Variants in HPSE2 observed in about 807,000 individuals in gnomAD.
The protein encoded by HPSE2 is heparanase 2 (inactive).
A neutral mutation model predicts 60.5 loss-of-function variants in HPSE2; 38 were observed. That is an observed-to-expected ratio of 0.63 (90% CI 0.48 to 0.82). The LOEUF (loss-of-function observed/expected upper bound fraction) is 0.82, where lower values mean the gene tolerates loss of function less well. HPSE2 is among the 40% of genes least tolerant of loss of function. The probability of loss-of-function intolerance (pLI) is 0.00; values close to 1 mark genes in which losing one functional copy is unlikely to be tolerated. For synonymous variants in HPSE2, 295 were observed against 293.2 expected (o/e 1.01, Z -0.06); for missense variants, 713 against 740.4 (o/e 0.96, Z 0.43).
At chr10:99,220,193 T>C (rs747205362) in intron 2 of HPSE2, among the ~76,000 whole-genome samples, 4 of 152,098 alleles carry the variant, frequency 2.6e-5, no homozygotes, top group Non-Finnish European at 4.4e-5. Flanking sequence ...TGGATAATGG[T>C]GTTTAAAGAG....
Position 99,110,035 on chromosome 10 carries a change from A to G in HPSE2, c.610+34203T>C, listed in dbSNP as rs193245910. Among the ~76,000 whole-genome samples, 507 of 152,332 alleles carry G rather than the reference A, an allele frequency of 3.3e-3. 2 individuals are homozygous for G. Among genetic ancestry groups the G allele is most frequent in the African/African-American group, 0.012 (485 of 41,570 alleles). On this transcript the variant is annotated intron_variant, in intron 3 of 11. Coordinates refer to ENST00000370552, the MANE Select transcript of HPSE2 (RefSeq NM_021828.5). Reference sequence around the variant, plus strand: ...AAATTATACGATAGCAAAAATTTGTATCACAAGCAAACATCTCTTAAACAT... The same window carrying G: ...AAATTATACGATAGCAAAAATTTGTGTCACAAGCAAACATCTCTTAAACAT...
chr10:99,184,809 TATATATATATAGAGAGAGAGAGAGAGAG>T (rs1311625312), intron 2 of HPSE2, among the ~76,000 whole-genome samples: 3 of 38,044 alleles, frequency 7.9e-5, no homozygotes, highest in East Asian at 7.1e-4. Flanking sequence ...TATATATATA[TATATATATATAGAGAGAGAGAGAGAGAG>T]AGAGAGAGAG....
chr10:98,618,126 GT>G (rs1444970683), intron 8 of HPSE2, among the ~76,000 whole-genome samples: 3 of 152,292 alleles, frequency 2.0e-5, no homozygotes, highest in Non-Finnish European at 4.4e-5. Context: ...TGTCAGTGGA[GT>G]TGAGACCAAA....
At chr10:98,903,887 C>G (rs930437247) in intron 3 of HPSE2, among the ~76,000 whole-genome samples, 2 of 152,038 alleles carry the variant, frequency 1.3e-5, no homozygotes, top group Non-Finnish European at 1.5e-5. Flanking sequence ...GTGCTAAGAA[C>G]AGATTCTGCC....
chr10:98,744,316 T>C (rs970818542), intron 3 of HPSE2, among the ~76,000 whole-genome samples: 1 of 151,734 alleles, frequency 6.6e-6, no homozygotes, highest in African/African-American at 2.4e-5. Flanking sequence ...TCACCTAAGG[T>C]CGGGAGTTCG....
At chr10:98,529,869 T>C (rs1396095109) in intron 9 of HPSE2, among the ~76,000 whole-genome samples, 1 of 152,246 alleles carries the variant, frequency 6.6e-6, no homozygotes, top group Non-Finnish European at 1.5e-5. Flanking sequence ...CTTGTTTCTC[T>C]CCTTCATCCT....
intron 9 of HPSE2, among the ~76,000 whole-genome samples, chr10:98,565,747 T>G (rs1270497311): frequency 1.3e-5 from 2 of 152,142 alleles, no homozygotes; most frequent in Non-Finnish European, 2.9e-5. Context: ...TTGGAAGAAT[T>G]TATTCCTTGT....
intron 3 of HPSE2, among the ~76,000 whole-genome samples, chr10:99,125,552 A>G (rs1845129413): frequency 6.6e-6 from 1 of 152,216 alleles, no homozygotes; most frequent in Admixed American, 6.5e-5. Flanking sequence ...CACCATGGGA[A>G]CGTACTAGGA....
chr10:99,103,407 C>A (rs1394318096), intron 3 of HPSE2, among the ~76,000 whole-genome samples: 1 of 152,040 alleles, frequency 6.6e-6, no homozygotes, highest in Non-Finnish European at 1.5e-5. Context: ...AATAAAATAC[C>A]TAGGAATCCA....
At chr10:98,999,768 G>A (rs1274983012) in intron 3 of HPSE2, among the ~76,000 whole-genome samples, 1 of 152,010 alleles carries the variant, frequency 6.6e-6, no homozygotes, top group East Asian at 1.9e-4. Flanking sequence ...GAAAAGAAGA[G>A]GGAACTAACA....
chr10:98,912,829 C>CA (rs925019452), intron 3 of HPSE2, among the ~76,000 whole-genome samples: 27 of 143,414 alleles, frequency 1.9e-4, no homozygotes, highest in East Asian at 1.2e-3. Context: ...TTAATGGGTA[C>CA]AAAAAAAAAA....
chr10:99,221,969 A>G (rs1003992281), intron 2 of HPSE2, among the ~76,000 whole-genome samples: 5 of 152,190 alleles, frequency 3.3e-5, no homozygotes, highest in African/African-American at 1.2e-4. Context: ...AGAGAGGCTG[A>G]AAACAGGAAA....
chr10:98,848,996 C>T (rs904304347), intron 3 of HPSE2, among the ~76,000 whole-genome samples: 7 of 150,482 alleles, frequency 4.7e-5, no homozygotes, highest in Admixed American at 4.0e-4. Flanking sequence ...ATTCCAACGC[C>T]CACAGTCGAG....
chr10:98,747,876 T>C (rs2134342355), intron 3 of HPSE2, among the ~76,000 whole-genome samples: 2 of 152,308 alleles, frequency 1.3e-5, no homozygotes, highest in Non-Finnish European at 2.9e-5. Context: ...ATATCCTTCA[T>C]AGCATCTAAC....
chr10:98,559,283 C>T (rs1944102991), intron 9 of HPSE2, among the ~76,000 whole-genome samples: 1 of 152,198 alleles, frequency 6.6e-6, no homozygotes, highest in Non-Finnish European at 1.5e-5. Context: ...CTATCTTGGC[C>T]TCCCAAAGTG....
intron 9 of HPSE2, among the ~76,000 whole-genome samples, chr10:98,600,913 A>ATATATGTGTGTGTG (rs1381527658): frequency 3.6e-3 from 106 of 29,600 alleles, no homozygotes; most frequent in Middle Eastern, 0.036. Context: ...GTGTGTGTGT[A>ATATATGTGTGTGTG]TATATATATA....
intron 3 of HPSE2, among the ~76,000 whole-genome samples, chr10:98,990,525 T>C (rs1956497717): frequency 6.6e-6 from 1 of 152,198 alleles, no homozygotes. Context: ...GCTCCTGCTA[T>C]GCAGCCTGAT....
intron 7 of HPSE2, among the ~76,000 whole-genome samples, chr10:98,624,018 C>A (rs191414211): frequency 2.6e-5 from 4 of 152,102 alleles, no homozygotes; most frequent in African/African-American, 9.7e-5. Flanking sequence ...AACATTAATG[C>A]ATTATCAAGG....
intron 3 of HPSE2, among the ~76,000 whole-genome samples, chr10:98,942,543 A>G (rs1234090503): frequency 6.6e-6 from 1 of 151,988 alleles, no homozygotes; most frequent in Non-Finnish European, 1.5e-5. Flanking sequence ...ACCATCTCAC[A>G]CCAGTTAGAA....
Sources: allele counts gnomAD v4.1 joint callset (sites outside exome capture counted in the v4.1 genomes callset), GRCh38; gene constraint gnomAD v4.1.1; transcripts MANE v1.5; gene names NCBI Gene and HGNC (gene_info 2026-07-23, HGNC 2026-07-21).